The following SKAP2 variants were observed in gnomAD, a reference collection of about 807,000 sequenced individuals.
SKAP2 encodes the protein src kinase-associated phosphoprotein 2.
A neutral mutation model predicts 54.9 loss-of-function variants in SKAP2; 28 were observed. That is an observed-to-expected ratio of 0.51 (90% confidence interval 0.38 to 0.70). The LOEUF (loss-of-function observed/expected upper bound fraction) is 0.70, where lower values mean the gene tolerates loss of function less well. Among genes scored for constraint, SKAP2 ranks in the 30% least tolerant of loss-of-function variants. The pLI, the probability that SKAP2 is intolerant of heterozygous loss-of-function variation, is 0.00. For synonymous variants in SKAP2, 137 were observed against 134.3 expected (o/e 1.02, Z -0.14); for missense variants, 356 against 424.1 (o/e 0.84, Z 1.41).
intron 4 of SKAP2, among the ~76,000 whole-genome samples, chr7:26,750,245 G>A (rs945263470): frequency 6.6e-6 from 1 of 150,968 alleles, no homozygotes; most frequent in Non-Finnish European, 1.5e-5. Flanking sequence ...AGTGTAACAT[G>A]ATATATTTTA....
At chr7:26,705,786 ACT>A (rs1334979727) in intron 9 of SKAP2, among the ~76,000 whole-genome samples, 22 of 152,224 alleles carry the variant, frequency 1.4e-4, no homozygotes, top group African/African-American at 5.3e-4. Context: ...TGTTTAAACA[ACT>A]GACAACGTAC....
At chr7:26,711,292 T>C (rs1787297877) in intron 9 of SKAP2, among the ~76,000 whole-genome samples, 1 of 152,202 alleles carries the variant, frequency 6.6e-6, no homozygotes, top group Non-Finnish European at 1.5e-5. Context: ...GTTTTTTTTC[T>C]ATAGTTAGAT....
intron 4 of SKAP2, among the ~76,000 whole-genome samples, chr7:26,812,627 G>T (rs981138654): frequency 6.6e-6 from 1 of 152,028 alleles, no homozygotes; most frequent in Non-Finnish European, 1.5e-5. Context: ...GGGTTTAAAT[G>T]ATGTATATCA....
At chr7:26,683,602 C>T (rs1383399578) in intron 11 of SKAP2, among the ~76,000 whole-genome samples, 1 of 151,012 alleles carries the variant, frequency 6.6e-6, no homozygotes, top group Non-Finnish European at 1.5e-5. Flanking sequence ...AAGGGAAAAG[C>T]ACTGGTCTGG....
At chr7:26,800,629 T>G (rs140619051) in intron 4 of SKAP2, among the ~76,000 whole-genome samples, 1 of 151,344 alleles carries the variant, frequency 6.6e-6, no homozygotes, top group East Asian at 1.9e-4. Context: ...AAAGAGAAGA[T>G]CCAAATAAAT....
intron 9 of SKAP2, among the ~76,000 whole-genome samples, chr7:26,722,852 T>G (rs982292466): frequency 6.6e-6 from 1 of 152,234 alleles, no homozygotes; most frequent in Non-Finnish European, 1.5e-5. Context: ...TAAAGTAGCA[T>G]AATAAATGCT....
intron 4 of SKAP2, among the ~76,000 whole-genome samples, chr7:26,843,774 A>C (rs956619854): frequency 6.6e-6 from 1 of 152,034 alleles, no homozygotes; most frequent in Non-Finnish European, 1.5e-5. Flanking sequence ...AACTGTTACT[A>C]ATAATATTCA....
At chr7:26,812,466 A>T (rs953608861) in intron 4 of SKAP2, among the ~76,000 whole-genome samples, 1 of 152,124 alleles carries the variant, frequency 6.6e-6, no homozygotes, top group Non-Finnish European at 1.5e-5. Context: ...AAACCTTAGG[A>T]GACAAAAATA....
At chr7:26,715,314 G>A (rs1787404788) in intron 9 of SKAP2, among the ~76,000 whole-genome samples, 2 of 147,816 alleles carry the variant, frequency 1.4e-5, no homozygotes, top group African/African-American at 5.3e-5. Flanking sequence ...AATTTCTAGT[G>A]ATTCTATTTG....
chr7:26,767,154 T>C (rs1044406149), intron 4 of SKAP2, among the ~76,000 whole-genome samples: 3 of 152,224 alleles, frequency 2.0e-5, no homozygotes, highest in East Asian at 1.9e-4. Context: ...GAATCTGTTA[T>C]TGGCCTATTC....
intron 11 of SKAP2, among the ~76,000 whole-genome samples, chr7:26,680,086 T>C (rs1786455236): frequency 6.6e-6 from 1 of 152,226 alleles, no homozygotes; most frequent in Non-Finnish European, 1.5e-5. Context: ...AATATCAAAG[T>C]ACTGTGCCTC....
intron 4 of SKAP2, among the ~76,000 whole-genome samples, chr7:26,800,254 T>C (rs969492968): frequency 3.3e-5 from 5 of 152,094 alleles, no homozygotes; most frequent in African/African-American, 9.7e-5. Flanking sequence ...AATTAAACAG[T>C]ATACTCTTGA....
chr7:26,768,414 A>G (rs1783112248), intron 4 of SKAP2, among the ~76,000 whole-genome samples: 1 of 151,588 alleles, frequency 6.6e-6, no homozygotes, highest in Non-Finnish European at 1.5e-5. Flanking sequence ...TCTTTATACA[A>G]TTTGCAGGTC....
rs892581311 is a variant in SKAP2 at position 26,827,527 on chromosome 7, T to C, written c.307+16503A>G. Among the ~76,000 whole-genome samples, 8 of 152,176 alleles carry C rather than the reference T, an allele frequency of 5.3e-5. 1 individual carries two copies. Among genetic ancestry groups the C allele is most frequent in the African/African-American group, 1.7e-4 (7 of 41,458 alleles). ...AAACATTTAAATTAAAATACGACTA[T>C]GGCTATGGAGGAAGATACAGAGAAA... On this transcript the variant is annotated intron_variant, in intron 4 of 12. Transcript: ENST00000345317.
intron 4 of SKAP2, among the ~76,000 whole-genome samples, chr7:26,747,328 G>A (rs1584365664): frequency 6.6e-6 from 1 of 152,086 alleles, no homozygotes; most frequent in Non-Finnish European, 1.5e-5. Context: ...CTTTCAATTA[G>A]TAGAACCATA....
intron 4 of SKAP2, among the ~76,000 whole-genome samples, chr7:26,763,692 T>C (rs1782982709): frequency 1.3e-5 from 2 of 152,174 alleles, no homozygotes; most frequent in African/African-American, 4.8e-5. Context: ...CAGGGATACA[T>C]TCTAAGAAAT....
intron 1 of SKAP2, among the ~76,000 whole-genome samples, chr7:26,864,079 A>G (rs1785322008): frequency 6.6e-6 from 1 of 150,402 alleles, no homozygotes. Flanking sequence ...ACACACACAC[A>G]CACACCGTCT....
chr7:26,847,422 A>C (rs1219019317), intron 3 of SKAP2, among the ~76,000 whole-genome samples: 1 of 151,974 alleles, frequency 6.6e-6, no homozygotes, highest in Non-Finnish European at 1.5e-5. Context: ...CGCAGGGGTT[A>C]CTGTTGAGTA....
Position 26,727,558 on chromosome 7 carries a change from G to GA in SKAP2, c.470-553dup, listed in dbSNP as rs201304660. 1.6e-4 allele frequency among the ~76,000 whole-genome samples: 24 copies of GA among 149,264 alleles called. No individual in the cohort carries two copies. The East Asian group carries it at 1.9e-3, about 12-fold the overall frequency. ...TACTCATGACGAAAAAGATGTGAAG[G>GA]AAAAAAAAACTATGTGGATAAAGAA... On this transcript the variant is annotated intron_variant, in intron 6 of 12. Transcript: ENST00000345317.
Sources: gnomAD v4.1 joint callset for allele counts (sites outside exome capture counted in the v4.1 genomes callset) on GRCh38, gnomAD v4.1.1 for gene constraint, MANE v1.5 for transcripts, NCBI Gene and HGNC (gene_info 2026-07-23, HGNC 2026-07-21) for gene names.